MYH6: variants seen among roughly 807,000 people sequenced by gnomAD.
The protein encoded by MYH6 is myosin heavy chain 6.
Under a neutral mutation model 223.2 loss-of-function variants are expected in MYH6, and 126 were observed. The observed-to-expected ratio is 0.56, with a 90% CI of 0.49 to 0.65. MYH6 has a LOEUF of 0.65. Ranked by LOEUF, MYH6 falls within the 30% of genes least tolerant of loss-of-function variation. The pLI, the probability that MYH6 is intolerant of heterozygous loss-of-function variation, is 0.00. For missense variants in MYH6, 2,040 were observed against 2,536.4 expected (o/e 0.80, Z 4.20); for synonymous variants, 978 against 1,010.2 (o/e 0.97, Z 0.61).
chr14:23,384,189 TA>T (rs34577405), intron 36 of MYH6, among the ~76,000 whole-genome samples: 22,515 of 140,786 alleles, frequency 0.16, 2,199 homozygotes, highest in African/African-American at 0.29. Context: ...TTAGAGTTAT[TA>T]AAAAAAAAAA....
chr14:23,393,662 TC>T lies in MYH6; in HGVS notation c.2928+3del. On this transcript the variant is annotated splice_donor_region_variant and intron_variant, in intron 22 of 38. Transcript: ENST00000405093. ...GGGCTGAAGCCAGAGGGAGCTGCCC[TC>T]ACCTTGTTCTCTGTTGCATGCTTCT... 1 of 1,614,176 alleles carries T rather than the reference TC, an allele frequency of 6.2e-7. No individual in the cohort carries two copies.
At chr14:23,397,951 TC>T in intron 15 of MYH6, among the ~76,000 whole-genome samples, 1 of 86,014 alleles carries the variant, frequency 1.2e-5, no homozygotes, top group Middle Eastern at 5.1e-3. Flanking sequence ...TTCTTCTTCT[TC>T]TTCTTCTTCT....
rs145508517 is a variant in MYH6, at chr14:23,392,964, T to C, written c.3199A>G (p.Ser1067Gly). Residue 1067 changes from serine to glycine, a missense_variant, in exon 24 of 39, where the codon AGC (serine) becomes GGC (glycine). This residue lies in a region of MYH6 where 1,203 missense variants were observed against 1,400.2 expected (regional missense o/e 0.86). Coordinates refer to ENST00000405093, the MANE Select transcript of MYH6 (RefSeq NM_002471.4). ...TTATCATTTTCCAGGTCCATGATGC[T>C]CTCCTGGGTCAGCTTCAGGTCGCCC... ...LEGDLKLTQE[S>G]IMDLENDKLQ... 65 of 1,614,174 alleles carry C rather than the reference T, an allele frequency of 4.0e-5. No homozygotes were observed. In the African/African-American group the frequency reaches 7.7e-4, roughly 19 times the overall value.
At position 23,387,909 on chromosome 14, in the gene MYH6, C is replaced by G; in HGVS notation, c.4374G>C (p.Trp1458Cys). 1 of 1,613,884 alleles carries G rather than the reference C, an allele frequency of 6.2e-7. No individual in the cohort carries two copies. The highest frequency in any genetic ancestry group is 8.5e-7 in the Non-Finnish European group (1 of 1,180,032). The change falls in exon 31 of 39, where the codon TGG (tryptophan) becomes TGC (cysteine). Residue 1458 changes from tryptophan (W) to cysteine (C), a missense_variant. This residue lies in a region of MYH6 where 1,203 missense variants were observed against 1,400.2 expected (regional missense o/e 0.86). Coordinates refer to ENST00000405093, the MANE Select transcript of MYH6 (RefSeq NM_002471.4). ...ACTGCGACTCCTCATACTTCTGCTT[C>G]CACTCGGCCAGGATCTGCCCGGGGA... ...QRNFDKILAE[W>C]KQKYEESQSE...
In MYH6 at chr14:23,407,228, G is replaced by T. The variant is rs183611755; in HGVS notation, c.-5C>A. On this transcript the variant is annotated 5_prime_UTR_variant, in exon 3 of 39. Transcript: ENST00000405093. This position sits in a 1 kb window ranked among gnomAD's most constrained non-coding sequence, Gnocchi z 5.6. ...AGCCATCTGGGCATCGGTCATCTTG[G>T]TGCTTCCCCTGGGTCAGAGACAGGA... The T allele has an allele frequency of 8.8e-4, 1,424 of 1,614,164 alleles. 10 individuals are homozygous for T. The African/African-American group carries it at 0.014, about 16-fold the overall frequency.
At chr14:23,400,169 C>G (rs751970989) in intron 14 of MYH6, 87 bp downstream of exon 14, 1 of 1,600,018 alleles carries the variant, frequency 6.2e-7, no homozygotes. Context: ...TCTTGGGACT[C>G]TAGTTTCTTG....
chr14:23,399,978 TG>T, intron 14 of MYH6: 1 of 505,036 alleles, frequency 2.0e-6, no homozygotes, highest in East Asian at 3.6e-5. Context: ...ACGCTTCTCA[TG>T]GGCGGTCAGA....
At chr14:23,404,433 C>T (rs1891712347) in intron 7 of MYH6, 45 bp from the exon 8 acceptor site, 2 of 1,608,018 alleles carry the variant, frequency 1.2e-6, no homozygotes, top group Admixed American at 1.7e-5. Flanking sequence ...CCATCCACCT[C>T]CAGGCAGTGG....
chr14:23,396,401 A>C lies in MYH6; in HGVS notation c.2312T>G (p.Leu771Arg), dbSNP rs1391957569. The C allele has an allele frequency of 6.2e-7, 1 of 1,613,894 alleles. No homozygotes were observed. Among genetic ancestry groups the C allele is most frequent in the African/African-American group, 1.3e-5 (1 of 74,948 alleles). ...CCGCATCTCCTCCAGCAGCCCAAGC[A>C]GCCCTGCCTTGAAGAACACCTGCAG... ...GHTKVFFKAG[L>R]LGLLEEMRDE... is the part of the protein sequence containing the mutation. Residue 771 changes from leucine to arginine, a missense_variant, in exon 20 of 39, where the codon CTG becomes CGG. Physicochemically the swap from Leu to Arg is moderately radical, Grantham distance 102. This residue lies in a region of MYH6 where 649 missense variants were observed against 877.3 expected (regional missense o/e 0.74). Coordinates refer to ENST00000405093, the MANE Select transcript of MYH6 (RefSeq NM_002471.4).
At chr14:23,402,992 G>T (rs536067361) in intron 10 of MYH6, among the ~76,000 whole-genome samples, 192 bp from the exon 11 acceptor site, 91 of 152,070 alleles carry the variant, frequency 6.0e-4, no homozygotes, top group Middle Eastern at 6.8e-3. Flanking sequence ...GAAGTGAAAG[G>T]GTAGAAGAGG....
At position 23,397,004 on chromosome 14, in the gene MYH6, C is replaced by T. The variant is rs765316931; in HGVS notation, c.2127G>A (p.Lys709=). 8.1e-6 allele frequency: 13 copies of T among 1,613,634 alleles called. No homozygotes were observed. The East Asian group carries it at 8.9e-5, about 11-fold the overall frequency. Residue 709 remains lysine, a synonymous_variant, in exon 18 of 39, where the codon AAG becomes AAA. Transcript: ENST00000405093. ...GVLEGIRICR[K]GFPNRILYGD... is the part of the protein sequence containing the mutation. ...CGTAGAGGATGCGGTTGGGGAAGCC[C>T]TTCCTGCAGATGCGGATGCCCTCCA...
At position 23,393,049 on chromosome 14, in the gene MYH6, TC is replaced by T; in HGVS notation, c.3113del (p.Gly1038AspfsTer3). 1.2e-6 allele frequency: 2 copies of T among 1,614,170 alleles called. No homozygotes were observed. Among genetic ancestry groups the T allele is most frequent in the Non-Finnish European group, 1.7e-6 (2 of 1,180,040 alleles). ...KLEQQVDDLE[G>X]SLEQEKKVRM... ...GCACCTTCTTCTCTTGCTCTAGGGA[TC>T]CCTCCAGCTGTTGGAGGGAAGAAAA... On this transcript the variant is annotated frameshift_variant, in exon 24 of 39. Transcript: ENST00000405093. LOFTEE classifies it high-confidence loss of function.
In MYH6 at chr14:23,390,090, G is replaced by A; in HGVS notation, c.3699C>T (p.Val1233=). ...TGATGATCTGCTCCATGTTGGAGGT[G>A]ACGTCATCCAGCTCCAGCTTGAACT... ...KSEFKLELDD[V]TSNMEQIIKA... is the part of the protein sequence containing the mutation. Residue 1233 remains valine (V), a synonymous_variant, in exon 26 of 39, where the codon GTC becomes GTT. Transcript: ENST00000405093. 6.2e-7 allele frequency: 1 copy of A among 1,613,056 alleles called. No individual in the cohort carries two copies. The highest frequency in any genetic ancestry group is 1.7e-5 in the Admixed American group (1 of 60,006).
intron 36 of MYH6, among the ~76,000 whole-genome samples, chr14:23,383,924 C>T (rs1211141729): frequency 2.6e-5 from 4 of 152,130 alleles, no homozygotes; most frequent in African/African-American, 9.7e-5. Flanking sequence ...ATCCATCTAT[C>T]AAATGGACTG....
At chr14:23,400,542 G>A (rs1891568304) in intron 13 of MYH6, 116 bp from the exon 14 acceptor site, 2 of 1,589,148 alleles carry the variant, frequency 1.3e-6, no homozygotes, top group South Asian at 1.1e-5. Flanking sequence ...CCATGTCAGG[G>A]CAGTGGAGGA....
chr14:23,403,695 G>C lies in MYH6; in HGVS notation c.799+20C>G, dbSNP rs749740519. 6.2e-7 allele frequency: 1 copy of C among 1,607,420 alleles called. No homozygotes were observed. The highest frequency in any genetic ancestry group is 8.5e-7 in the Non-Finnish European group (1 of 1,175,754). ...GCAGAGGGGGACCTAGAGGGTGGCAGCCTCCCTGCTGGTACTCACAGGTCT... is the reference window on the plus strand; with the variant it reads ...GCAGAGGGGGACCTAGAGGGTGGCACCCTCCCTGCTGGTACTCACAGGTCT... On this transcript the variant is annotated intron_variant, in intron 9 of 38. Transcript: ENST00000405093.
intron 19 of MYH6, 111 bp from the exon 20 acceptor site, chr14:23,396,531 A>T: frequency 6.4e-7 from 1 of 1,565,182 alleles, no homozygotes; most frequent in South Asian, 1.1e-5. Context: ...TTCTAGAAGT[A>T]AGAGTAAAAA....
Position 23,400,364 on chromosome 14 carries a change from G to C in MYH6, c.1473C>G (p.Asn491Lys). ...FTNEKLQQFFNHHMFVLEQEE... is the reference protein window; with the variant it reads ...FTNEKLQQFFKHHMFVLEQEE... Reference sequence around the variant, plus strand: ...CCTGCTCCAGCACGAACATGTGGTGGTTGAAGAACTGCTGCAGCTTCTCGT... The same window carrying C: ...CCTGCTCCAGCACGAACATGTGGTGCTTGAAGAACTGCTGCAGCTTCTCGT... Residue 491 changes from asparagine to lysine, a missense_variant, in exon 14 of 39, where the codon AAC becomes AAG. Physicochemically the swap from Asn to Lys is moderately conservative, Grantham distance 94. Coordinates refer to ENST00000405093, the MANE Select transcript of MYH6 (RefSeq NM_002471.4). 6.2e-7 allele frequency: 1 copy of C among 1,614,212 alleles called. No homozygotes were observed. The highest frequency in any genetic ancestry group is 8.5e-7 in the Non-Finnish European group (1 of 1,180,042).
intron 25 of MYH6, among the ~76,000 whole-genome samples, chr14:23,391,958 G>T (rs1318710917): frequency 6.6e-6 from 1 of 152,172 alleles, no homozygotes; most frequent in African/African-American, 2.4e-5. Flanking sequence ...TACTTGTATA[G>T]AATTTCCTAG....
Sources: allele counts gnomAD v4.1 joint callset (sites outside exome capture counted in the v4.1 genomes callset), GRCh38; gene constraint gnomAD v4.1.1; regional missense constraint gnomAD v4.1.1; non-coding constraint Gnocchi (gnomAD v3.1); transcripts MANE v1.5; gene names NCBI Gene and HGNC (gene_info 2026-07-23, HGNC 2026-07-21).